STXBP4: variants seen among roughly 807,000 people sequenced by gnomAD.
STXBP4 encodes syntaxin binding protein 4.
A neutral mutation model predicts 76.1 loss-of-function variants in STXBP4; 55 were observed. The ratio of observed to expected loss-of-function variants is 0.72; its 90% CI spans 0.58 to 0.91. The LOEUF is 0.91. Ranked by LOEUF, STXBP4 falls within the 40% of genes least tolerant of loss-of-function variation. The pLI is 0.00. For synonymous variants in STXBP4, 201 were observed against 220.2 expected (o/e 0.91, Z 0.77); for missense variants, 618 against 636.9 (o/e 0.97, Z 0.32).
intron 8 of STXBP4, among the ~76,000 whole-genome samples, chr17:55,015,244 C>T (rs1157313740): frequency 2.0e-5 from 3 of 152,174 alleles, no homozygotes; most frequent in African/African-American, 7.2e-5. Flanking sequence ...TTTCCTTAGT[C>T]CTTCTAGCAC....
At chr17:55,105,699 C>T (rs920466012) in intron 16 of STXBP4, among the ~76,000 whole-genome samples, 8 of 151,488 alleles carry the variant, frequency 5.3e-5, no homozygotes, top group Non-Finnish European at 7.4e-5. Context: ...CGGATGATCT[C>T]GATCTCCGGA....
the STXBP4 span, among the ~76,000 whole-genome samples, chr17:55,189,289 C>T: frequency 6.6e-6 from 1 of 152,166 alleles, no homozygotes; most frequent in Non-Finnish European, 1.5e-5. Flanking sequence ...TACATCCAGA[C>T]AATAATTACA....
chr17:54,975,856 A>G (rs1040240538), intron 1 of STXBP4, among the ~76,000 whole-genome samples: 1 of 152,128 alleles, frequency 6.6e-6, no homozygotes, highest in Non-Finnish European at 1.5e-5. Context: ...TCTGCCTGGA[A>G]TGCTTTGTCC....
At chr17:55,142,799 GTGT>G (rs1198178572) in intron 17 of STXBP4, among the ~76,000 whole-genome samples, 1 of 152,140 alleles carries the variant, frequency 6.6e-6, no homozygotes. Flanking sequence ...TCAGGCAAAG[GTGT>G]TGTTTATAAC....
At chr17:55,021,573 T>C (rs1489954070) in intron 8 of STXBP4, among the ~76,000 whole-genome samples, 1 of 152,160 alleles carries the variant, frequency 6.6e-6, no homozygotes, top group East Asian at 1.9e-4. Context: ...ATTGTCTTTA[T>C]GCTCACTTAC....
intron 1 of STXBP4, among the ~76,000 whole-genome samples, chr17:54,985,043 T>C (rs965182266): frequency 2.6e-5 from 4 of 152,216 alleles, no homozygotes; most frequent in African/African-American, 9.6e-5. Flanking sequence ...AAAGAATATA[T>C]GTGCCAAGGT....
the STXBP4 span, among the ~76,000 whole-genome samples, chr17:55,210,894 G>T: frequency 6.6e-6 from 1 of 152,066 alleles, no homozygotes; most frequent in African/African-American, 2.4e-5. Context: ...CCATAGTCAG[G>T]CATAAATCAT....
chr17:55,044,917 A>G (rs917452191), intron 11 of STXBP4: 1 of 151,852 alleles, frequency 6.6e-6, no homozygotes, highest in Non-Finnish European at 1.5e-5. Context: ...TAATATACAC[A>G]GATCTACCAA....
At chr17:55,011,508 C>CTT (rs3080154) in intron 8 of STXBP4, among the ~76,000 whole-genome samples, 3 of 85,922 alleles carry the variant, frequency 3.5e-5, no homozygotes, top group South Asian at 4.6e-4. Flanking sequence ...TTTTCTTTTT[C>CTT]TTTTTTTTTT....
At chr17:55,086,116 A>C (rs1481115926) in intron 16 of STXBP4, among the ~76,000 whole-genome samples, 2 of 152,170 alleles carry the variant, frequency 1.3e-5, no homozygotes, top group Non-Finnish European at 1.5e-5. Flanking sequence ...TATTCAAAGA[A>C]TATATTCGAA....
At chr17:55,029,804 C>A (rs980286089) in intron 8 of STXBP4, among the ~76,000 whole-genome samples, 2 of 151,928 alleles carry the variant, frequency 1.3e-5, no homozygotes, top group Admixed American at 1.3e-4. Flanking sequence ...TTGTTCTCAC[C>A]CTTGAGACCG....
chr17:55,149,140 C>A (rs2080188097), intron 17 of STXBP4, among the ~76,000 whole-genome samples: 1 of 152,056 alleles, frequency 6.6e-6, no homozygotes, highest in Non-Finnish European at 1.5e-5. Context: ...ATATTTTGCC[C>A]CCAAATACTT....
chr17:55,100,788 T>C (rs1331438436), intron 16 of STXBP4, among the ~76,000 whole-genome samples: 3 of 152,218 alleles, frequency 2.0e-5, no homozygotes, highest in Non-Finnish European at 2.9e-5. Flanking sequence ...CTTGTAACTA[T>C]ACAATACAGC....
At chr17:55,063,963 A>T (rs1032272441) in intron 12 of STXBP4, among the ~76,000 whole-genome samples, 3 of 152,208 alleles carry the variant, frequency 2.0e-5, no homozygotes, top group African/African-American at 7.2e-5. Context: ...TTACCCAAGG[A>T]GGAAGTAGTG....
At chr17:55,193,634 A>G in the STXBP4 span, among the ~76,000 whole-genome samples, 1 of 152,050 alleles carries the variant, frequency 6.6e-6, no homozygotes, top group Non-Finnish European at 1.5e-5. Context: ...GAGGAAGAGG[A>G]CAAAAAAAGG....
intron 1 of STXBP4, among the ~76,000 whole-genome samples, chr17:54,984,529 G>A (rs533850113): frequency 5.3e-5 from 8 of 151,660 alleles, no homozygotes; most frequent in South Asian, 2.1e-4. Flanking sequence ...ATTTTTAGTA[G>A]AGACGAGATT....
chr17:55,205,044 G>T, the STXBP4 span, among the ~76,000 whole-genome samples: 3 of 152,068 alleles, frequency 2.0e-5, no homozygotes, highest in Non-Finnish European at 4.4e-5. Context: ...AAATTAGCTT[G>T]CCATGGCCAG....
intron 4 of STXBP4, among the ~76,000 whole-genome samples, chr17:54,996,171 G>A (rs1243082078): frequency 6.6e-6 from 1 of 151,236 alleles, no homozygotes; most frequent in Non-Finnish European, 1.5e-5. Flanking sequence ...AAAACTTCCA[G>A]CAGAGATAGT....
chr17:55,017,394 A>G (rs972570207), intron 8 of STXBP4, among the ~76,000 whole-genome samples: 44 of 152,158 alleles, frequency 2.9e-4, no homozygotes, highest in Non-Finnish European at 5.3e-4. Context: ...GACACCAGGG[A>G]CAAGACTCCC....
Sources: gnomAD v4.1 joint callset for allele counts (sites outside exome capture counted in the v4.1 genomes callset) on GRCh38, gnomAD v4.1.1 for gene constraint, MANE v1.5 for transcripts, NCBI Gene and HGNC (gene_info 2026-07-23, HGNC 2026-07-21) for gene names.